The following GHR variants were observed in gnomAD, a reference collection of about 807,000 sequenced individuals.
GHR encodes the protein growth hormone receptor, also known as GH receptor.
GHR carries 35 observed loss-of-function variants against 67.1 expected under a neutral mutation model. The ratio of observed to expected loss-of-function variants is 0.52; its 90% CI spans 0.40 to 0.69. GHR has a LOEUF of 0.69. GHR is among the 30% of genes least tolerant of loss of function. The pLI, the probability that GHR is intolerant of heterozygous loss-of-function variation, is 0.00. For synonymous variants in GHR, 272 were observed against 269.1 expected (o/e 1.01, Z -0.10); for missense variants, 792 against 764.6 (o/e 1.04, Z -0.42).
chr5:42,602,219 A>G (rs1366535514), intron 2 of GHR, among the ~76,000 whole-genome samples: 1 of 152,136 alleles, frequency 6.6e-6, no homozygotes, highest in African/African-American at 2.4e-5. Flanking sequence ...CCAATATGCA[A>G]TACAATATTA....
chr5:42,466,924 T>A, intron 1 of GHR: 1 of 1,519,670 alleles, frequency 6.6e-7, no homozygotes. Flanking sequence ...TCGCATGAGG[T>A]GTGAGTTGGA....
intron 3 of GHR, among the ~76,000 whole-genome samples, chr5:42,660,195 A>G (rs56395434): frequency 1.5e-3 from 227 of 152,330 alleles, no homozygotes; most frequent in African/African-American, 5.3e-3. Context: ...CAGACAAACA[A>G]AAAGACAGCA....
intron 3 of GHR, among the ~76,000 whole-genome samples, chr5:42,661,917 A>C (rs532505788): frequency 8.8e-4 from 134 of 152,356 alleles, no homozygotes; most frequent in African/African-American, 3.2e-3. Context: ...AAGATCTACC[A>C]AGCAAATGGA....
chr5:42,639,244 G>A (rs1315653333), intron 3 of GHR, among the ~76,000 whole-genome samples: 1 of 152,126 alleles, frequency 6.6e-6, no homozygotes, highest in East Asian at 1.9e-4. Flanking sequence ...GTAGTTTGTA[G>A]ATCTTTTATA....
intron 3 of GHR, among the ~76,000 whole-genome samples, chr5:42,656,155 G>A (rs1040744322): frequency 1.3e-5 from 2 of 152,040 alleles, no homozygotes; most frequent in Non-Finnish European, 2.9e-5. Flanking sequence ...CCCTCTGAAC[G>A]GTAACACTCC....
rs116557480 is a variant in GHR at position 42,455,161 on chromosome 5, T to G, written c.-12+31206T>G. ...AATCCTTCTCTCATGATCTGGATTT[T>G]CAGATTCCCCAGTGAGGATATGTGT... On this transcript the variant is annotated intron_variant, in intron 1 of 9. Transcript: ENST00000230882. Among the ~76,000 whole-genome samples, 1,389 of 152,282 alleles carry G rather than the reference T, an allele frequency of 9.1e-3. 20 individuals are homozygous for G. Among genetic ancestry groups the G allele is most frequent in the African/African-American group, 0.032 (1,313 of 41,554 alleles).
chr5:42,477,668 G>A lies in GHR; in HGVS notation c.-12+53713G>A, dbSNP rs969343791. Among the ~76,000 whole-genome samples the A allele has an allele frequency of 1.3e-3, 204 of 152,270 alleles. 1 individual carries two copies. In the Middle Eastern group the frequency reaches 0.014, roughly 10 times the overall value. ...GCATTTTTTCATGTGTTTTTTGGCT[G>A]CATAAATGTCTTCTTTTGAGAAGTG... On this transcript the variant is annotated intron_variant, in intron 1 of 9. Coordinates refer to ENST00000230882, the MANE Select transcript of GHR (RefSeq NM_000163.5).
At chr5:42,457,774 A>T (rs1744320919) in intron 1 of GHR, among the ~76,000 whole-genome samples, 1 of 152,170 alleles carries the variant, frequency 6.6e-6, no homozygotes, top group East Asian at 1.9e-4. Context: ...GGATTACAGA[A>T]TTCCATGAAC....
intron 1 of GHR, among the ~76,000 whole-genome samples, chr5:42,543,520 GT>G (rs1355015826): frequency 1.3e-5 from 2 of 152,014 alleles, no homozygotes; most frequent in African/African-American, 4.8e-5. Flanking sequence ...CTGAATTGAT[GT>G]TTTTTTCTCT....
chr5:42,614,081 TC>T (rs1435499758), intron 2 of GHR, among the ~76,000 whole-genome samples: 9 of 152,196 alleles, frequency 5.9e-5, no homozygotes, highest in African/African-American at 2.2e-4. Flanking sequence ...AGCTTAGTAA[TC>T]CCAGCTCAGA....
Position 42,424,861 on chromosome 5 carries a change from C to A in GHR, c.-12+906C>A. ...AGACCGAGCTGCGGGGGCTCTCGGTCTGGCGCGGACTGTGTGTCCTGAATG... is the reference window on the plus strand; with the variant it reads ...AGACCGAGCTGCGGGGGCTCTCGGTATGGCGCGGACTGTGTGTCCTGAATG... On this transcript the variant is annotated intron_variant, in intron 1 of 9. Transcript: ENST00000230882. This position sits in a 1 kb window ranked among gnomAD's most constrained non-coding sequence, Gnocchi z 4.1. The A allele has an allele frequency of 2.8e-6, 1 of 354,360 alleles. No individual in the cohort carries two copies. Among genetic ancestry groups the A allele is most frequent in the Non-Finnish European group, 4.0e-6 (1 of 252,846 alleles). 22.0% of individuals were successfully genotyped at this position (354,360 alleles called of 1,614,324 possible).
At chr5:42,485,473 T>C (rs192225874) in intron 1 of GHR, among the ~76,000 whole-genome samples, 1 of 152,308 alleles carries the variant, frequency 6.6e-6, no homozygotes, top group Admixed American at 6.5e-5. Flanking sequence ...TTTGATTAAA[T>C]GCATGCCAGA....
rs760258077 is a variant in GHR, at chr5:42,718,037, TTA to T, written c.876-11_876-10del. On this transcript the variant is annotated splice_polypyrimidine_tract_variant and intron_variant, in intron 8 of 9. Transcript: ENST00000230882. Reference sequence around the variant, plus strand: ...CTTTTAAGATGTCAAAACCAAAATTTTATATGTTTTCAAGGATTAAAATGCTG... The same window carrying T: ...CTTTTAAGATGTCAAAACCAAAATTTTATGTTTTCAAGGATTAAAATGCTG... The T allele has an allele frequency of 4.7e-6, 7 of 1,494,398 alleles. No homozygotes were observed. Among genetic ancestry groups the T allele is most frequent in the East Asian group, 2.3e-5 (1 of 44,132 alleles). 92.6% of individuals were successfully genotyped at this position (1,494,398 alleles called of 1,614,324 possible).
intron 3 of GHR, among the ~76,000 whole-genome samples, chr5:42,643,752 A>G (rs1427427999): frequency 6.6e-6 from 1 of 151,928 alleles, no homozygotes; most frequent in Non-Finnish European, 1.5e-5. Context: ...AGCCCAGAAT[A>G]TCTGAAAAGG....
At chr5:42,618,428 G>T (rs1753277131) in intron 2 of GHR, among the ~76,000 whole-genome samples, 1 of 152,220 alleles carries the variant, frequency 6.6e-6, no homozygotes, top group South Asian at 2.1e-4. Context: ...AATTTAAAAA[G>T]AGATTGTTAG....
chr5:42,451,126 T>G (rs575206853), intron 1 of GHR, among the ~76,000 whole-genome samples: 1 of 152,344 alleles, frequency 6.6e-6, no homozygotes, highest in East Asian at 1.9e-4. Flanking sequence ...GACTGTTCTG[T>G]AAGTACCTAT....
rs1225599667 is a variant in GHR, at chr5:42,688,506, A to G, written c.137-384A>G. On this transcript the variant is annotated intron_variant, in intron 3 of 9. Coordinates refer to ENST00000230882, the MANE Select transcript of GHR (RefSeq NM_000163.5). ...TAGCCACTGTGATAACCAGCTCAGA[A>G]CACACACATATTAGTTGTTCTCCCT... 2.0e-5 allele frequency among the ~76,000 whole-genome samples: 3 copies of G among 152,200 alleles called. No homozygotes were observed. In the East Asian group the frequency reaches 5.8e-4, roughly 29 times the overall value.
At chr5:42,689,574 G>A (rs754239978) in intron 4 of GHR, among the ~76,000 whole-genome samples, 5 of 152,114 alleles carry the variant, frequency 3.3e-5, no homozygotes, top group Non-Finnish European at 7.4e-5. Flanking sequence ...GTGAGTATCT[G>A]GGGGAAAGGC....
At chr5:42,674,095 C>A (rs1422484166) in intron 3 of GHR, among the ~76,000 whole-genome samples, 1 of 152,110 alleles carries the variant, frequency 6.6e-6, no homozygotes, top group Non-Finnish European at 1.5e-5. Context: ...GAGAACCTGA[C>A]AACCCCACTT....
Sources: allele counts gnomAD v4.1 joint callset (sites outside exome capture counted in the v4.1 genomes callset), GRCh38; gene constraint gnomAD v4.1.1; non-coding constraint Gnocchi (gnomAD v3.1); transcripts MANE v1.5; gene names NCBI Gene and HGNC (gene_info 2026-07-23, HGNC 2026-07-21).